Variants in AFF3 observed in about 807,000 individuals in gnomAD.
AFF3 encodes ALF transcription elongation factor 3.
Under a neutral mutation model 129.7 loss-of-function variants are expected in AFF3, and 32 were observed. The observed-to-expected ratio is 0.25, with a 90% CI of 0.19 to 0.33. AFF3 has a LOEUF of 0.33. AFF3 is among the 10% of genes least tolerant of loss of function. The pLI, the probability that AFF3 is intolerant of heterozygous loss-of-function variation, is 1.00. For synonymous variants in AFF3, 644 were observed against 635.4 expected, an observed-to-expected ratio of 1.01 and a Z score of -0.20; for missense variants, 1,373 against 1,592.0, an observed-to-expected ratio of 0.86 and a Z score of 2.34.
chr2:99,698,239 T>C (rs1676495264), intron 11 of AFF3, among the ~76,000 whole-genome samples: 1 of 152,246 alleles, frequency 6.6e-6, no homozygotes, highest in Non-Finnish European at 1.5e-5. Flanking sequence ...TTGTGTTTTT[T>C]AAAGTTCATT....
At chr2:99,781,413 T>A (rs1684396097) in intron 8 of AFF3, among the ~76,000 whole-genome samples, 1 of 152,262 alleles carries the variant, frequency 6.6e-6, no homozygotes, top group South Asian at 2.1e-4. Context: ...CATGTAAACA[T>A]CATGAGAATA....
intron 7 of AFF3, among the ~76,000 whole-genome samples, chr2:99,937,855 T>A (rs1674664591): frequency 6.6e-6 from 1 of 152,168 alleles, no homozygotes; most frequent in Non-Finnish European, 1.5e-5. Context: ...GAATGCACAA[T>A]CCCTGGATTT....
At chr2:99,970,245 C>T (rs1407477464) in intron 7 of AFF3, among the ~76,000 whole-genome samples, 2 of 152,158 alleles carry the variant, frequency 1.3e-5, no homozygotes, top group Non-Finnish European at 2.9e-5. Flanking sequence ...ATCTTCTCCA[C>T]CTGTGACCCA....
At chr2:99,742,112 T>C (rs895230428) in intron 10 of AFF3, among the ~76,000 whole-genome samples, 6 of 152,094 alleles carry the variant, frequency 3.9e-5, no homozygotes, top group Admixed American at 2.6e-4. Flanking sequence ...TCTCAGCACT[T>C]TTGGAGGCCA....
chr2:100,063,381 G>A (rs758198279), intron 4 of AFF3, among the ~76,000 whole-genome samples: 6 of 151,932 alleles, frequency 3.9e-5, no homozygotes, highest in African/African-American at 4.8e-5. Context: ...TAAAAATAGC[G>A]AAGATGGTGA....
At chr2:100,123,769 T>C (rs1406498881) in intron 2 of AFF3, among the ~76,000 whole-genome samples, 1 of 152,020 alleles carries the variant, frequency 6.6e-6, no homozygotes, top group African/African-American at 2.4e-5. Flanking sequence ...AGCCAAAACA[T>C]AGACCTGCTA....
chr2:99,820,870 CTTTTTTTTTTT>C (rs869085194), intron 8 of AFF3, among the ~76,000 whole-genome samples: 7 of 101,710 alleles, frequency 6.9e-5, no homozygotes, highest in Admixed American at 6.8e-4. Context: ...TCCTCCACAT[CTTTTTTTTTTT>C]TTTTTTTTTT....
Position 99,594,156 on chromosome 2 carries a change from T to C in AFF3, c.1505A>G (p.Glu502Gly). Reference sequence around the variant, plus strand: ...GACTTTCCCACAGTCCTGGACGTCCTCTTTCACCGGGTTGTAGTACTGATT... The same window carrying C: ...GACTTTCCCACAGTCCTGGACGTCCCCTTTCACCGGGTTGTAGTACTGATT... ...ESNQYYNPVK[E>G]DVQDCGKVPD... is the part of the protein sequence containing the mutation. The change falls in exon 15 of 25, where the codon GAG becomes GGG. Residue 502 changes from glutamate (E) to glycine (G), a missense_variant. By Grantham distance (98) the Glu-to-Gly change is moderately conservative. Transcript: ENST00000672756. 1 of 1,614,160 alleles carries C rather than the reference T, an allele frequency of 6.2e-7. No homozygotes were observed.
Position 99,554,305 on chromosome 2 carries a change from G to A in AFF3, c.3559+6C>T, listed in dbSNP as rs756365381. 17 of 1,614,118 alleles carry A rather than the reference G, an allele frequency of 1.1e-5. No individual in the cohort carries two copies. The highest frequency in any genetic ancestry group is 1.6e-4 in the Middle Eastern group (1 of 6,062). ...GCCCCTGGTTCCCCGTGGGGTGTGC[G>A]CTCACCTCGGTTTTCCTTGGCCAGG... On this transcript the variant is annotated splice_donor_region_variant and intron_variant, in intron 24 of 24. Coordinates refer to ENST00000672756, the MANE Select transcript of AFF3 (RefSeq NM_001386135.1).
intron 13 of AFF3, among the ~76,000 whole-genome samples, chr2:99,613,575 CCT>C (rs1681137125): frequency 6.6e-6 from 1 of 151,990 alleles, no homozygotes; most frequent in South Asian, 2.1e-4. Flanking sequence ...TTAAATTTTT[CCT>C]CTTTCTTCAT....
chr2:99,922,745 A>G (rs920929332), intron 7 of AFF3, among the ~76,000 whole-genome samples: 1 of 152,220 alleles, frequency 6.6e-6, no homozygotes, highest in South Asian at 2.1e-4. Flanking sequence ...TAAAAGAACC[A>G]TTATAAGATC....
At chr2:99,907,371 T>C (rs918261552) in intron 7 of AFF3, among the ~76,000 whole-genome samples, 2 of 152,186 alleles carry the variant, frequency 1.3e-5, no homozygotes, top group African/African-American at 4.8e-5. Flanking sequence ...ATGTGCAAGA[T>C]TAAAGTGAAG....
intron 7 of AFF3, among the ~76,000 whole-genome samples, chr2:99,838,021 C>T (rs1689025044): frequency 6.6e-6 from 1 of 152,174 alleles, no homozygotes; most frequent in Admixed American, 6.5e-5. Flanking sequence ...AGGCAGAAAA[C>T]TGAAAGACCA....
At chr2:99,839,657 G>C (rs1689167228) in intron 7 of AFF3, among the ~76,000 whole-genome samples, 1 of 150,996 alleles carries the variant, frequency 6.6e-6, no homozygotes, top group Non-Finnish European at 1.5e-5. Context: ...TGTCACCCAG[G>C]CTGGAGTGCA....
rs77974596 is a variant in AFF3 at position 100,010,656 on chromosome 2, C to T, written c.54-1724G>A. On this transcript the variant is annotated intron_variant, in intron 4 of 24. Coordinates refer to ENST00000672756, the MANE Select transcript of AFF3 (RefSeq NM_001386135.1). ...TGAGAGGCTCACAGCGCTAACATCACGATCACTGATCACTAAGAACTCTCT... is the reference window on the plus strand; with the variant it reads ...TGAGAGGCTCACAGCGCTAACATCATGATCACTGATCACTAAGAACTCTCT... Among the ~76,000 whole-genome samples, 1,299 of 152,276 alleles carry T rather than the reference C, an allele frequency of 8.5e-3. 24 individuals carry two copies. Among genetic ancestry groups the T allele is most frequent in the African/African-American group, 0.029 (1,221 of 41,534 alleles).
intron 11 of AFF3, chr2:99,707,386 A>C (rs927857574): frequency 3.0e-6 from 3 of 985,366 alleles, no homozygotes; most frequent in Non-Finnish European, 3.6e-6. Context: ...CATGGGAGAA[A>C]TGTGTGATTT....
chr2:99,830,122 G>C (rs2105749911), intron 8 of AFF3, among the ~76,000 whole-genome samples: 1 of 152,226 alleles, frequency 6.6e-6, no homozygotes, highest in Non-Finnish European at 1.5e-5. Context: ...GGGCCTATCA[G>C]AGGGTGGAGG....
chr2:99,952,985 A>C (rs1337773130), intron 7 of AFF3, among the ~76,000 whole-genome samples: 1 of 152,228 alleles, frequency 6.6e-6, no homozygotes, highest in Non-Finnish European at 1.5e-5. Context: ...AAGTGATAAG[A>C]TAATACATGG....
At chr2:99,894,133 G>A (rs985625491) in intron 7 of AFF3, among the ~76,000 whole-genome samples, 2 of 151,560 alleles carry the variant, frequency 1.3e-5, no homozygotes, top group African/African-American at 4.9e-5. Context: ...TGGAACACTA[G>A]GCATAAATGG....
Sources: gnomAD v4.1 joint callset for allele counts (sites outside exome capture counted in the v4.1 genomes callset) on GRCh38, gnomAD v4.1.1 for gene constraint, MANE v1.5 for transcripts, NCBI Gene and HGNC (gene_info 2026-07-23, HGNC 2026-07-21) for gene names.